The following SVOPL variants were observed in gnomAD, a reference collection of about 807,000 sequenced individuals.
The protein encoded by SVOPL is SVOP like.
SVOPL carries 60 observed loss-of-function variants against 61.0 expected under a neutral mutation model. The observed-to-expected ratio is 0.98, with a 90% CI of 0.80 to 1.22. The LOEUF is 1.22. Ranked by LOEUF, SVOPL falls within the 50% of genes most tolerant of loss-of-function variation. SVOPL has a pLI of 0.00. For synonymous variants in SVOPL, 279 were observed against 250.0 expected (o/e 1.12, Z -1.09); for missense variants, 662 against 643.9 (o/e 1.03, Z -0.30).
chr7:138,643,306 T>TC (rs1800925591), intron 9 of SVOPL, among the ~76,000 whole-genome samples: 2 of 151,026 alleles, frequency 1.3e-5, no homozygotes, highest in Admixed American at 6.6e-5. Context: ...GCGCCTGTAG[T>TC]CCCAGCTACT....
Position 138,678,981 on chromosome 7 carries a change from G to T in SVOPL, c.65C>A (p.Ala22Glu). The T allele has an allele frequency of 1.3e-6, 2 of 1,551,628 alleles. No homozygotes were observed. The highest frequency in any genetic ancestry group is 1.7e-6 in the Non-Finnish European group (2 of 1,146,946). ...AATCTCACCTTTAACCTGTGGCTCT[G>T]CGGTCCCCAGGCTCAATTTCCGAAG... ...LSLRKLSLGT[A>E]EPQVKEPKTF... is the part of the protein sequence containing the mutation. Residue 22 changes from alanine (A) to glutamate (E), a missense_variant, in exon 2 of 16, where the codon GCA becomes GAA. Transcript: ENST00000674285.
chr7:138,642,702 C>A (rs1178744220), intron 9 of SVOPL, among the ~76,000 whole-genome samples: 1 of 151,356 alleles, frequency 6.6e-6, no homozygotes, highest in Non-Finnish European at 1.5e-5. Context: ...TGGTGGCTCG[C>A]ACTGATAGTC....
intron 12 of SVOPL, 146 bp from the exon 13 acceptor site, chr7:138,626,196 A>C: frequency 1.4e-6 from 1 of 721,722 alleles, no homozygotes; most frequent in South Asian, 1.8e-5. Flanking sequence ...AGCTGGCCTG[A>C]TTGTGGGGTC....
chr7:138,672,814 CTT>C (rs1215405322), intron 3 of SVOPL, among the ~76,000 whole-genome samples: 2 of 148,648 alleles, frequency 1.3e-5, no homozygotes, highest in Non-Finnish European at 3.0e-5. Context: ...ATTTAACAAA[CTT>C]AATGCTACTA....
At chr7:138,608,028 G>T (rs576825307) in intron 14 of SVOPL, among the ~76,000 whole-genome samples, 1 of 152,110 alleles carries the variant, frequency 6.6e-6, no homozygotes, top group Admixed American at 6.5e-5. Flanking sequence ...ACAACAAAAT[G>T]CCATAAGATG....
chr7:138,656,555 T>A, intron 6 of SVOPL, 44 bp from the exon 7 acceptor site: 1 of 1,586,100 alleles, frequency 6.3e-7, no homozygotes, highest in Non-Finnish European at 8.6e-7. Context: ...TTTAAAAAAC[T>A]AAATCATCTT....
At chr7:138,606,598 T>TG (rs1336798990) in intron 14 of SVOPL, among the ~76,000 whole-genome samples, 2 of 152,108 alleles carry the variant, frequency 1.3e-5, no homozygotes, top group Admixed American at 6.5e-5. Context: ...ATCTCCACAT[T>TG]GGGCCTTGCT....
At chr7:138,636,062 G>A (rs796650663) in intron 9 of SVOPL, among the ~76,000 whole-genome samples, 1 of 152,012 alleles carries the variant, frequency 6.6e-6, no homozygotes, top group Non-Finnish European at 1.5e-5. Context: ...GGGAGTAGCT[G>A]GGACTACAGG....
rs189395300 is a variant in SVOPL at position 138,697,987 on chromosome 7, G to T, written c.-35+3191C>A. On this transcript the variant is annotated intron_variant, in intron 1 of 15. Transcript: ENST00000674285. Reference sequence around the variant, plus strand: ...CATGGAAAAGAAAGAAGGAAGAAAGGACAGAGGAAGGGAGGAAAGAGGAAA... The same window carrying T: ...CATGGAAAAGAAAGAAGGAAGAAAGTACAGAGGAAGGGAGGAAAGAGGAAA... 3.3e-5 allele frequency among the ~76,000 whole-genome samples: 5 copies of T among 151,870 alleles called. No individual in the cohort carries two copies. The East Asian group carries it at 9.7e-4, about 29-fold the overall frequency.
intron 1 of SVOPL, among the ~76,000 whole-genome samples, chr7:138,693,740 G>A (rs745963464): frequency 1.1e-4 from 16 of 152,030 alleles, no homozygotes; most frequent in Admixed American, 2.6e-4. Flanking sequence ...GATGTGGGAA[G>A]CTGAAGCAGG....
chr7:138,613,486 A>G (rs1584781890), intron 14 of SVOPL, among the ~76,000 whole-genome samples: 1 of 151,966 alleles, frequency 6.6e-6, no homozygotes, highest in Admixed American at 6.6e-5. Flanking sequence ...GCTATTTCCT[A>G]TTCCTGGAAC....
At chr7:138,648,945 G>T in intron 8 of SVOPL, 67 bp downstream of exon 8, 1 of 1,601,834 alleles carries the variant, frequency 6.2e-7, no homozygotes, top group South Asian at 1.1e-5. Flanking sequence ...AAAGATATTT[G>T]TGGGGCATGA....
chr7:138,596,632 C>T, intron 14 of SVOPL, 102 bp from the exon 15 acceptor site: 2 of 1,468,328 alleles, frequency 1.4e-6, no homozygotes, highest in Non-Finnish European at 1.8e-6. Context: ...CTAAGATGGT[C>T]CTTTGCAGCC....
At chr7:138,607,167 A>G (rs1798796312) in intron 14 of SVOPL, among the ~76,000 whole-genome samples, 2 of 152,048 alleles carry the variant, frequency 1.3e-5, no homozygotes, top group South Asian at 4.1e-4. Flanking sequence ...TAGATTTAAG[A>G]TGCTTTTGAG....
chr7:138,679,513 T>C (rs577225863), intron 1 of SVOPL, among the ~76,000 whole-genome samples: 1 of 152,160 alleles, frequency 6.6e-6, no homozygotes, highest in Non-Finnish European at 1.5e-5. Context: ...CCTCAGGTGA[T>C]CCGCCCACCT....
chr7:138,605,911 A>C (rs1482166934), intron 14 of SVOPL, among the ~76,000 whole-genome samples: 1 of 152,208 alleles, frequency 6.6e-6, no homozygotes, highest in Non-Finnish European at 1.5e-5. Context: ...TTGCATGTGC[A>C]ATTCCATGTT....
At chr7:138,662,580 G>T (rs150808421) in intron 5 of SVOPL, 13,401 of 986,776 alleles carry the variant, frequency 0.014, 99 homozygotes, top group South Asian at 0.021. Flanking sequence ...GGGCTGCTCT[G>T]AAGGGCTAAG....
chr7:138,610,875 C>T lies in SVOPL; in HGVS notation c.1353+10171G>A, dbSNP rs549564069. On this transcript the variant is annotated intron_variant, in intron 14 of 15. Transcript: ENST00000674285. ...CTTGACAGAGCCTAACTTTAAAGAG[C>T]GCCACTTAGCAAATCCAGGTGGGAT... Among the ~76,000 whole-genome samples the T allele has an allele frequency of 2.0e-4, 30 of 152,318 alleles. No homozygotes were observed. In the East Asian group the frequency reaches 3.9e-3, roughly 20 times the overall value.
chr7:138,664,542 A>C (rs1802167692), intron 4 of SVOPL, among the ~76,000 whole-genome samples: 3 of 90,634 alleles, frequency 3.3e-5, no homozygotes, highest in South Asian at 8.9e-4. Context: ...GAGCACCCCT[A>C]ATCCTCCATC....
Sources: allele counts gnomAD v4.1 joint callset (sites outside exome capture counted in the v4.1 genomes callset), GRCh38; gene constraint gnomAD v4.1.1; transcripts MANE v1.5; gene names NCBI Gene and HGNC (gene_info 2026-07-23, HGNC 2026-07-21).